The following TNKS1BP1 variants were observed in gnomAD, a reference collection of about 807,000 sequenced individuals.
TNKS1BP1 encodes 182 kDa tankyrase-1-binding protein.
TNKS1BP1 carries 48 observed loss-of-function variants against 141.1 expected under a neutral mutation model. The ratio of observed to expected loss-of-function variants is 0.34; its 90% CI spans 0.27 to 0.43. The LOEUF is 0.43. Ranked by LOEUF, TNKS1BP1 falls within the 20% of genes least tolerant of loss-of-function variation. The pLI, the probability that TNKS1BP1 is intolerant of heterozygous loss-of-function variation, is 1.00. For missense variants in TNKS1BP1, 2,149 were observed against 2,226.0 expected (o/e 0.97, Z 0.70); for synonymous variants, 875 against 898.2 (o/e 0.97, Z 0.46).
intron 4 of TNKS1BP1, 78 bp downstream of exon 4, chr11:57,317,740 G>T: frequency 7.2e-7 from 1 of 1,391,394 alleles, no homozygotes; most frequent in Non-Finnish European, 1.0e-6. Flanking sequence ...GAACTACAAG[G>T]AGTAGAAAAG....
intron 9 of TNKS1BP1, 121 bp downstream of exon 9, chr11:57,301,684 TGA>T (rs1855526490): frequency 7.7e-7 from 1 of 1,305,780 alleles, no homozygotes; most frequent in East Asian, 2.4e-5. Flanking sequence ...GAGAGGAGAG[TGA>T]GAGGAGGAAT....
At chr11:57,324,058 A>C (rs1255812262) in intron 1 of TNKS1BP1, among the ~76,000 whole-genome samples, 1 of 151,948 alleles carries the variant, frequency 6.6e-6, no homozygotes, top group Admixed American at 6.5e-5. Flanking sequence ...CCCTCAAGAG[A>C]CCAGGGGGTA....
Position 57,310,381 on chromosome 11 carries a change from T to C in TNKS1BP1, c.2330A>G (p.Lys777Arg). 1.9e-6 allele frequency: 3 copies of C among 1,614,084 alleles called. No individual in the cohort carries two copies. Among genetic ancestry groups the C allele is most frequent in the Non-Finnish European group, 2.5e-6 (3 of 1,180,022 alleles). ...PGLGERDWTS[K>R]YGQGAGEGST... ...CCCTTCCCCTGCTCCTTGCCCATAC[T>C]TGCTGGTCCAGTCCCTCTCTCCGAG... Residue 777 changes from lysine (K) to arginine (R), a missense_variant, in exon 6 of 12, where the codon AAG becomes AGG. By Grantham distance (26) the Lys-to-Arg change is conservative (BLOSUM62 2). Transcript: ENST00000358252.
chr11:57,307,241 A>C (rs1855627177), intron 6 of TNKS1BP1, among the ~76,000 whole-genome samples: 1 of 151,984 alleles, frequency 6.6e-6, no homozygotes, highest in African/African-American at 2.4e-5. Context: ...AAACCCTGAG[A>C]AACTGAGGCT....
chr11:57,309,730 T>G lies in TNKS1BP1; in HGVS notation c.2981A>C (p.Gln994Pro). ...AATCTTCTTCTCAAATTCCTCATCC[T>G]GTTGCTGGGCTTCCTCGGGGCTGAA... ...SGFSPEEAQQ[Q>P]DEEFEKKIPS... The change falls in exon 6 of 12, where the codon CAG becomes CCG. Residue 994 changes from glutamine to proline, a missense_variant. Gln to Pro is a moderately conservative substitution (Grantham distance 76). Transcript: ENST00000358252. This position sits in a 1 kb window ranked among gnomAD's most constrained non-coding sequence, Gnocchi z 4.3. 3 of 1,614,254 alleles carry G rather than the reference T, an allele frequency of 1.9e-6. No individual in the cohort carries two copies. The highest frequency in any genetic ancestry group is 2.5e-6 in the Non-Finnish European group (3 of 1,180,046).
intron 3 of TNKS1BP1, 52 bp downstream of exon 3, chr11:57,320,027 A>AC: frequency 1.0e-5 from 6 of 578,346 alleles, no homozygotes; most frequent in East Asian, 5.9e-5. Flanking sequence ...ACCCAATCCC[A>AC]CCCCACCTGA....
intron 8 of TNKS1BP1, 51 bp from the exon 9 acceptor site, chr11:57,301,994 C>T (rs1483793888): frequency 4.4e-6 from 7 of 1,608,648 alleles, no homozygotes; most frequent in African/African-American, 1.3e-5. Context: ...CCCAGACTCC[C>T]CGAACCCATA....
intron 1 of TNKS1BP1, among the ~76,000 whole-genome samples, chr11:57,323,231 C>T (rs1284682151): frequency 2.0e-5 from 3 of 152,086 alleles, no homozygotes; most frequent in Non-Finnish European, 4.4e-5. Flanking sequence ...CCCCAGGCTA[C>T]CAGCATTCCC....
Position 57,310,138 on chromosome 11 carries a change from C to T in TNKS1BP1, c.2573G>A (p.Arg858Gln), listed in dbSNP as rs1383679237. The change falls in exon 6 of 12, where the codon CGG (arginine) becomes CAG (glutamine). Residue 858 changes from arginine to glutamine, a missense_variant. Arg to Gln is a conservative substitution (Grantham distance 43). Coordinates refer to ENST00000358252, the MANE Select transcript of TNKS1BP1 (RefSeq NM_033396.3). Reference protein sequence around the residue: ...KRDSQGTYSSRDAELQDQEFG... With the variant: ...KRDSQGTYSSQDAELQDQEFG... ...TTCCTGGTCCTGGAGTTCTGCATCC[C>T]GGCTGGAGTAAGTGCCCTGGGAATC... 56 of 1,614,086 alleles carry T rather than the reference C, an allele frequency of 3.5e-5. No homozygotes were observed. Among genetic ancestry groups the T allele is most frequent in the South Asian group, 6.6e-5 (6 of 91,084 alleles).
rs1268813227 is a variant in TNKS1BP1 at position 57,308,837 on chromosome 11, G to A, written c.3874C>T (p.Pro1292Ser). The change falls in exon 6 of 12, where the codon CCA (proline) becomes TCA (serine). Residue 1292 changes from proline to serine, a missense_variant. Pro to Ser is a moderately conservative substitution (Grantham distance 74). Transcript: ENST00000358252. ...TPDLGLRNMAPGAVCSPGESK... is the reference protein window; with the variant it reads ...TPDLGLRNMASGAVCSPGESK... ...TCTCCAGGACTGCAGACTGCCCCTG[G>A]GGCCATGTTTCTCAGCCCAAGGTCA... The A allele has an allele frequency of 3.1e-6, 5 of 1,613,892 alleles. No individual in the cohort carries two copies. The highest frequency in any genetic ancestry group is 1.1e-5 in the South Asian group (1 of 91,070).
chr11:57,313,133 T>G lies in TNKS1BP1; in HGVS notation c.1555A>C (p.Ser519Arg). Residue 519 changes from serine to arginine, a missense_variant, in exon 5 of 12, where the codon AGC becomes CGC. Transcript: ENST00000358252. Reference sequence around the variant, plus strand: ...TGCTGAGACACTCCTTCTTCCCTGCTGGAAACGGCCAAGTTGCCAGCCTCA... The same window carrying G: ...TGCTGAGACACTCCTTCTTCCCTGCGGGAAACGGCCAAGTTGCCAGCCTCA... The part of the protein sequence containing the change: ...AAEAGNLAVS[S>R]REEGVSQQGQ... 6.2e-7 allele frequency: 1 copy of G among 1,613,164 alleles called. No individual in the cohort carries two copies. Among genetic ancestry groups the G allele is most frequent in the Non-Finnish European group, 8.5e-7 (1 of 1,180,014 alleles).
At chr11:57,301,781 A>G in intron 9 of TNKS1BP1, 26 bp downstream of exon 9, 1 of 1,596,938 alleles carries the variant, frequency 6.3e-7, no homozygotes, top group Admixed American at 1.7e-5. Flanking sequence ...ATGGCTGGAC[A>G]TGTTTGCTTA....
intron 1 of TNKS1BP1, chr11:57,322,381 G>A (rs1261934624): frequency 1.1e-5 from 10 of 927,186 alleles, no homozygotes; most frequent in South Asian, 9.9e-5. Flanking sequence ...CCTGGGCTCC[G>A]CCCCACTGCC....
intron 6 of TNKS1BP1, among the ~76,000 whole-genome samples, chr11:57,304,379 C>T (rs1855575643): frequency 6.6e-6 from 1 of 152,328 alleles, no homozygotes. Context: ...GCAGTGGCGG[C>T]AGCAGAAGTA....
chr11:57,308,441 C>T lies in TNKS1BP1; in HGVS notation c.4270G>A (p.Ala1424Thr). The T allele has an allele frequency of 6.2e-7, 1 of 1,614,142 alleles. No individual in the cohort carries two copies. The highest frequency in any genetic ancestry group is 8.5e-7 in the Non-Finnish European group (1 of 1,180,010). Reference sequence around the variant, plus strand: ...TCTCCTGTCTCCATTCCAGGGTCTGCAGGGTGTGGCTCCAAGGAAGACGAG... The same window carrying T: ...TCTCCTGTCTCCATTCCAGGGTCTGTAGGGTGTGGCTCCAAGGAAGACGAG... ...YSSSSLEPHP[A>T]DPGMETGEAL... is the part of the protein sequence containing the mutation. Residue 1424 changes from alanine to threonine, a missense_variant, in exon 6 of 12, where the codon GCA (alanine) becomes ACA (threonine). By Grantham distance (58) the Ala-to-Thr change is moderately conservative. Coordinates refer to ENST00000358252, the MANE Select transcript of TNKS1BP1 (RefSeq NM_033396.3).
chr11:57,308,720 A>C lies in TNKS1BP1; in HGVS notation c.3991T>G (p.Ser1331Ala). ...ACTCCACATCCCCGTAGCCCCTGAG[A>C]ACCTCCAGAGTCTGGGTCACAGGTC... ...EVTCDPDSGGSQGLRGCGVGQ... is the reference protein window; with the variant it reads ...EVTCDPDSGGAQGLRGCGVGQ... Residue 1331 changes from serine (S) to alanine (A), a missense_variant, in exon 6 of 12, where the codon TCT (serine) becomes GCT (alanine). Physicochemically the swap from Ser to Ala is moderately conservative, Grantham distance 99. Transcript: ENST00000358252. 1 of 1,613,470 alleles carries C rather than the reference A, an allele frequency of 6.2e-7. No homozygotes were observed. The highest frequency in any genetic ancestry group is 1.1e-5 in the South Asian group (1 of 91,068).
At position 57,322,080 on chromosome 11, in the gene TNKS1BP1, G is replaced by T. The variant is rs933571803; in HGVS notation, c.-65-130C>A. ...AAGAGAGAACTTGGAGTGGGGGGGG[G>T]GGGGTAGGAGGAGGTCAAGGGAGGT... On this transcript the variant is annotated intron_variant, in intron 1 of 11. Transcript: ENST00000358252. 2.7e-5 allele frequency: 21 copies of T among 774,208 alleles called. 1 individual carries two copies. Among genetic ancestry groups the T allele is most frequent in the East Asian group, 1.5e-4 (4 of 26,330 alleles). The allele number at this position is 774,208 out of a possible 1,614,324, so 48.0% of individuals were successfully genotyped here.
At position 57,311,889 on chromosome 11, in the gene TNKS1BP1, G is replaced by A. The variant is rs373793218; in HGVS notation, c.2154+645C>T. 3.9e-5 allele frequency among the ~76,000 whole-genome samples: 6 copies of A among 152,336 alleles called. No individual in the cohort carries two copies. In the East Asian group the frequency reaches 9.6e-4, roughly 24 times the overall value. On this transcript the variant is annotated intron_variant, in intron 5 of 11. Coordinates refer to ENST00000358252, the MANE Select transcript of TNKS1BP1 (RefSeq NM_033396.3). ...AGGTCTGGAGCTCAATGTTAATAAC[G>A]TTTGTAAAAGCCAACACTTCTTAAG...
chr11:57,312,976 G>A lies in TNKS1BP1; in HGVS notation c.1712C>T (p.Pro571Leu), dbSNP rs370520637. 10 of 1,613,790 alleles carry A rather than the reference G, an allele frequency of 6.2e-6. No homozygotes were observed. The highest frequency in any genetic ancestry group is 2.7e-5 in the African/African-American group (2 of 74,922). Residue 571 changes from proline (P) to leucine (L), a missense_variant, in exon 5 of 12, where the codon CCC (proline) becomes CTC (leucine). Pro to Leu is a moderately conservative substitution (Grantham distance 98). Coordinates refer to ENST00000358252, the MANE Select transcript of TNKS1BP1 (RefSeq NM_033396.3). ...AGGTGTGCCCTCAGTTGTAGGCAGG[G>A]GCTCAAGGGGAACAGCTGGGAATTG... ...QPQFPAVPLE[P>L]LPTTEGTPGL...
Sources: allele counts gnomAD v4.1 joint callset (sites outside exome capture counted in the v4.1 genomes callset), GRCh38; gene constraint gnomAD v4.1.1; non-coding constraint Gnocchi (gnomAD v3.1); transcripts MANE v1.5; gene names NCBI Gene and HGNC (gene_info 2026-07-23, HGNC 2026-07-21).